Variants in EDAR observed in about 807,000 individuals in gnomAD.
The protein encoded by EDAR is ectodysplasin A receptor.
In EDAR, 38 loss-of-function variants were observed where a neutral mutation model predicts 51.3. The observed-to-expected ratio is 0.74, with a 90% CI of 0.57 to 0.97. The LOEUF (loss-of-function observed/expected upper bound fraction) is 0.97, where lower values mean the gene tolerates loss of function less well. EDAR is among the 50% of genes least tolerant of loss of function. EDAR has a pLI of 0.00. For synonymous variants in EDAR, 227 were observed against 242.1 expected (o/e 0.94, Z 0.58); for missense variants, 528 against 595.0 (o/e 0.89, Z 1.17).
At chr2:108,965,349 T>C (rs1414591855) in intron 1 of EDAR, among the ~76,000 whole-genome samples, 1 of 150,814 alleles carries the variant, frequency 6.6e-6, no homozygotes, top group African/African-American at 2.4e-5. Flanking sequence ...GGCGTGGTGG[T>C]GGGTGCCTGT....
At chr2:108,929,080 T>A in intron 4 of EDAR, 118 bp downstream of exon 4, 2 of 1,194,130 alleles carry the variant, frequency 1.7e-6, no homozygotes, top group Non-Finnish European at 2.4e-6. Context: ...AGGCCAGGTG[T>A]GCGGCTGCAC....
At chr2:108,930,874 A>C in intron 2 of EDAR, 90 bp downstream of exon 2, 1 of 1,397,982 alleles carries the variant, frequency 7.2e-7, no homozygotes, top group Non-Finnish European at 1.0e-6. Context: ...TATGATCAGC[A>C]TTCCCATTTT....
intron 11 of EDAR, among the ~76,000 whole-genome samples, chr2:108,904,695 G>A (rs1032399674): frequency 2.0e-5 from 3 of 152,164 alleles, no homozygotes; most frequent in Non-Finnish European, 4.4e-5. Flanking sequence ...ATTATGCTGA[G>A]TGAAAAAAGC....
chr2:108,964,576 A>G (rs1050127628), intron 1 of EDAR, among the ~76,000 whole-genome samples: 1 of 152,242 alleles, frequency 6.6e-6, no homozygotes, highest in African/African-American at 2.4e-5. Context: ...TGAAATGAGG[A>G]TAATCTTTTA....
Position 108,923,382 on chromosome 2 carries a change from G to T in EDAR, c.428C>A (p.Pro143His). The change falls in exon 5 of 12, where the codon CCC (proline) becomes CAC (histidine). Residue 143 changes from proline (P) to histidine (H), a missense_variant. Coordinates refer to ENST00000258443, the MANE Select transcript of EDAR (RefSeq NM_022336.4). ...AAGACACTCACATTCCTTGGTGTTG[G>T]GGGGTGCCAGGAGGCAGGAGTAGCA... The part of the protein sequence containing the change: ...MVCYSCLLAP[P>H]NTKECVGATS... 1.2e-6 allele frequency: 2 copies of T among 1,614,200 alleles called. No individual in the cohort carries two copies. The highest frequency in any genetic ancestry group is 1.3e-5 in the African/African-American group (1 of 75,040).
chr2:108,946,572 G>A (rs1404042839), intron 1 of EDAR, among the ~76,000 whole-genome samples: 1 of 152,206 alleles, frequency 6.6e-6, no homozygotes, highest in Non-Finnish European at 1.5e-5. Flanking sequence ...AAGAAAGAAG[G>A]TTTAATTGAC....
chr2:108,922,655 T>A (rs764428507), intron 5 of EDAR, among the ~76,000 whole-genome samples: 14 of 151,964 alleles, frequency 9.2e-5, no homozygotes, highest in Non-Finnish European at 1.8e-4. Context: ...CAGGGTCAGC[T>A]CCTCCTCCAC....
chr2:108,903,370 T>C (rs912828966), intron 11 of EDAR, among the ~76,000 whole-genome samples: 7 of 152,070 alleles, frequency 4.6e-5, no homozygotes, highest in African/African-American at 1.7e-4. Flanking sequence ...AGGCATTTTG[T>C]ACATATAGGG....
chr2:108,919,132 G>T (rs1310864719), intron 5 of EDAR, among the ~76,000 whole-genome samples: 1 of 152,148 alleles, frequency 6.6e-6, no homozygotes, highest in African/African-American at 2.4e-5. Context: ...GCCGGTGTCT[G>T]GGAGGCTGGG....
chr2:108,988,537 C>T (rs564247811), intron 1 of EDAR, among the ~76,000 whole-genome samples: 59 of 152,246 alleles, frequency 3.9e-4, no homozygotes, highest in Middle Eastern at 3.4e-3. Flanking sequence ...TAGGTCACAG[C>T]GGGTACGCAG....
At chr2:108,944,724 C>T (rs986166577) in intron 1 of EDAR, among the ~76,000 whole-genome samples, 2 of 152,120 alleles carry the variant, frequency 1.3e-5, no homozygotes, top group East Asian at 3.9e-4. Flanking sequence ...GCTGCAGCAC[C>T]CCCACCGTGC....
intron 1 of EDAR, among the ~76,000 whole-genome samples, chr2:108,933,954 C>A (rs1697419224): frequency 1.3e-5 from 2 of 152,114 alleles, no homozygotes; most frequent in South Asian, 4.1e-4. Flanking sequence ...GGGCCAGAGG[C>A]TCTCAGCAGG....
chr2:108,988,086 G>C (rs1004299271), intron 1 of EDAR, among the ~76,000 whole-genome samples: 1 of 152,228 alleles, frequency 6.6e-6, no homozygotes, highest in South Asian at 2.1e-4. Context: ...CTCTCCGTAC[G>C]TCTCCTCACA....
chr2:108,981,655 C>G lies in EDAR; in HGVS notation c.-19+7305G>C, dbSNP rs139878174. 7.5e-3 allele frequency among the ~76,000 whole-genome samples: 1,148 copies of G among 152,282 alleles called. 12 individuals are homozygous for G. The highest frequency in any genetic ancestry group is 0.024 in the Middle Eastern group (7 of 294). On this transcript the variant is annotated intron_variant, in intron 1 of 11. Transcript: ENST00000258443. Reference sequence around the variant, plus strand: ...CTGCTCGATATATACTATCCCCACACCCGAGATAGTTATGATACAAGGTTA... The same window carrying G: ...CTGCTCGATATATACTATCCCCACAGCCGAGATAGTTATGATACAAGGTTA...
chr2:108,945,646 T>A (rs1301384986), intron 1 of EDAR, among the ~76,000 whole-genome samples: 1 of 152,174 alleles, frequency 6.6e-6, no homozygotes, highest in African/African-American at 2.4e-5. Context: ...AAATTTGAGA[T>A]CTATTTATTT....
At chr2:108,944,820 C>T (rs890725374) in intron 1 of EDAR, among the ~76,000 whole-genome samples, 2 of 152,156 alleles carry the variant, frequency 1.3e-5, no homozygotes, top group African/African-American at 4.8e-5. Flanking sequence ...GAGAGCTGAC[C>T]GCAGAGGCCA....
In EDAR at chr2:108,912,376, G is replaced by A. The variant is rs260627; in HGVS notation, c.529+302C>T. On this transcript the variant is annotated intron_variant, in intron 6 of 11. Coordinates refer to ENST00000258443, the MANE Select transcript of EDAR (RefSeq NM_022336.4). ...TCCCGGCCAAACCAAAGCCCAGGAC[G>A]CCTGGTCTCTCCTCCTGGCCGGGCT... 0.69 allele frequency among the ~76,000 whole-genome samples: 105,175 copies of A among 152,126 alleles called. 39,455 individuals are homozygous for A. Among genetic ancestry groups the A allele is most frequent in the East Asian group, 0.9 (4,637 of 5,178 alleles).
At chr2:108,970,013 T>C (rs907455692) in intron 1 of EDAR, among the ~76,000 whole-genome samples, 3 of 152,196 alleles carry the variant, frequency 2.0e-5, no homozygotes, top group African/African-American at 7.2e-5. Context: ...CAGCACAGGC[T>C]TTGGTGACGT....
At chr2:108,915,179 C>T (rs992185826) in intron 5 of EDAR, among the ~76,000 whole-genome samples, 13 of 152,216 alleles carry the variant, frequency 8.5e-5, no homozygotes, top group Non-Finnish European at 1.6e-4. Context: ...GCTGGGATTA[C>T]AGGTGTGAGC....
Sources: allele counts gnomAD v4.1 joint callset (sites outside exome capture counted in the v4.1 genomes callset), GRCh38; gene constraint gnomAD v4.1.1; transcripts MANE v1.5; gene names NCBI Gene and HGNC (gene_info 2026-07-23, HGNC 2026-07-21).